The following OLFM2 variants were observed in gnomAD, a reference collection of about 807,000 sequenced individuals.
OLFM2 encodes noelin-2.
In OLFM2, 20 loss-of-function variants were observed where a neutral mutation model predicts 43.9. The ratio of observed to expected loss-of-function variants is 0.46; its 90% CI spans 0.32 to 0.66. The LOEUF (loss-of-function observed/expected upper bound fraction) is 0.66. Among genes scored for constraint, OLFM2 ranks in the 30% least tolerant of loss-of-function variants. The pLI is 0.04. For missense variants in OLFM2, 416 were observed against 643.6 expected (o/e 0.65, Z 3.83); for synonymous variants, 268 against 278.6 (o/e 0.96, Z 0.38).
At chr19:9,903,813 A>T (rs2046760509) in intron 1 of OLFM2, among the ~76,000 whole-genome samples, 2 of 152,204 alleles carry the variant, frequency 1.3e-5, no homozygotes, top group Non-Finnish European at 2.9e-5. Flanking sequence ...TGCCCCAGCC[A>T]GCATCTATCT....
chr19:9,878,371 T>A (rs1446419640), intron 1 of OLFM2, among the ~76,000 whole-genome samples: 1 of 147,428 alleles, frequency 6.8e-6, no homozygotes, highest in Non-Finnish European at 1.5e-5. Context: ...AGCCTCAGTT[T>A]CATTTCTCTC....
chr19:9,891,739 C>G (rs1052214667), intron 1 of OLFM2, among the ~76,000 whole-genome samples: 1 of 152,126 alleles, frequency 6.6e-6, no homozygotes, highest in African/African-American at 2.4e-5. Context: ...TTTGGTTGTA[C>G]TAACCCTCTG....
chr19:9,899,076 C>A (rs1568379973), intron 1 of OLFM2, among the ~76,000 whole-genome samples: 1 of 152,024 alleles, frequency 6.6e-6, no homozygotes, highest in Non-Finnish European at 1.5e-5. Context: ...ACCAGCCCAG[C>A]CAACATGGCA....
At position 9,855,815 on chromosome 19, in the gene OLFM2, C is replaced by T. The variant is rs527420909; in HGVS notation, c.688-952G>A. On this transcript the variant is annotated intron_variant, in intron 5 of 5. Coordinates refer to ENST00000264833, the MANE Select transcript of OLFM2 (RefSeq NM_058164.4). ...CCTCCTAAAGTGCTGGGATTACAGG[C>T]GTGAGCCACTGCACCTGGCCACTAT... Among the ~76,000 whole-genome samples, 13 of 152,226 alleles carry T rather than the reference C, an allele frequency of 8.5e-5. No individual in the cohort carries two copies. In the South Asian group the frequency reaches 2.1e-3, roughly 24 times the overall value.
chr19:9,856,686 G>A lies in OLFM2; in HGVS notation c.687+121C>T, dbSNP rs535987951. On this transcript the variant is annotated intron_variant, in intron 5 of 5. Coordinates refer to ENST00000264833, the MANE Select transcript of OLFM2 (RefSeq NM_058164.4). The surrounding 1 kb of genome is among the most constrained non-coding windows in gnomAD (Gnocchi z 4.0). The stretch of plus-strand genomic sequence containing the variant: ...GGACAGGGAGGTCCAATGGCCCTGG[G>A]GGATCCAGGACACTTTGGGCTACAA... 1.3e-6 allele frequency: 1 copy of A among 775,898 alleles called. No individual in the cohort carries two copies. Among genetic ancestry groups the A allele is most frequent in the Non-Finnish European group, 2.1e-6 (1 of 467,276 alleles). The allele number at this position is 775,898 out of a possible 1,614,324, so 48.1% of individuals were successfully genotyped here.
chr19:9,931,799 C>G (rs989539149), intron 1 of OLFM2, among the ~76,000 whole-genome samples: 2 of 152,002 alleles, frequency 1.3e-5, no homozygotes, highest in South Asian at 2.1e-4. Flanking sequence ...AAATTCCTGG[C>G]CTCAAGAGAC....
At chr19:9,880,944 C>A (rs1429012616) in intron 1 of OLFM2, among the ~76,000 whole-genome samples, 2 of 152,136 alleles carry the variant, frequency 1.3e-5, no homozygotes, top group Non-Finnish European at 2.9e-5. Context: ...GTCACCCAGG[C>A]TGGAGTGCAG....
intron 1 of OLFM2, among the ~76,000 whole-genome samples, chr19:9,900,249 G>A (rs1038249584): frequency 6.6e-6 from 1 of 152,106 alleles, no homozygotes; most frequent in Non-Finnish European, 1.5e-5. Flanking sequence ...GCTAACTGCC[G>A]AGAGAGGAAA....
intron 1 of OLFM2, chr19:9,913,460 C>T: frequency 9.5e-7 from 1 of 1,048,712 alleles, no homozygotes. Context: ...CCCGGGAGCG[C>T]CCCCCGCGCG....
At position 9,900,037 on chromosome 19, in the gene OLFM2, T is replaced by C. The variant is rs187938807; in HGVS notation, c.63+36267A>G. Among the ~76,000 whole-genome samples the C allele has an allele frequency of 1.5e-3, 234 of 152,252 alleles. 2 individuals carry two copies. Among genetic ancestry groups the C allele is most frequent in the African/African-American group, 5.4e-3 (223 of 41,566 alleles). ...GCATAATAAATATCTGTTGACCGAA[T>C]TGACAAATGAGCGAATCATGGCTTT... On this transcript the variant is annotated intron_variant, in intron 1 of 5. Coordinates refer to ENST00000264833, the MANE Select transcript of OLFM2 (RefSeq NM_058164.4).
intron 1 of OLFM2, among the ~76,000 whole-genome samples, chr19:9,894,412 T>TAATAATAATAAA (rs34379733): frequency 0.033 from 2,049 of 62,186 alleles, 63 homozygotes; most frequent in African/African-American, 0.08. Flanking sequence ...ATAATAATAA[T>TAATAATAATAAA]AAATAAATAA....
rs2046289230 is a variant in OLFM2, at chr19:9,853,763, A to C, written c.*423T>G. On this transcript the variant is annotated 3_prime_UTR_variant, in exon 6 of 6. Coordinates refer to ENST00000264833, the MANE Select transcript of OLFM2 (RefSeq NM_058164.4). Reference sequence around the variant, plus strand: ...TTATTCCGGCAAACCGGAAAGAAAAAGTGTAAATAAAAAAAGAAACAGATC... The same window carrying C: ...TTATTCCGGCAAACCGGAAAGAAAACGTGTAAATAAAAAAAGAAACAGATC... 2 of 369,926 alleles carry C rather than the reference A, an allele frequency of 5.4e-6. No individual in the cohort carries two copies. Among genetic ancestry groups the C allele is most frequent in the Admixed American group, 4.4e-5 (1 of 22,968 alleles). The allele number at this position is 369,926 out of a possible 1,614,324, so 22.9% of individuals were successfully genotyped here. A position where few individuals can be genotyped will look rare whatever the true frequency, so the allele number is the denominator to read the frequency against.
chr19:9,887,147 A>G (rs1354198134), intron 1 of OLFM2, among the ~76,000 whole-genome samples: 1 of 152,128 alleles, frequency 6.6e-6, no homozygotes, highest in Admixed American at 6.6e-5. Context: ...AAGTACATTC[A>G]CTTGCAAACA....
chr19:9,856,932 G>A lies in OLFM2; in HGVS notation c.581-19C>T, dbSNP rs1351323247. 1 of 1,576,122 alleles carries A rather than the reference G, an allele frequency of 6.3e-7. No individual in the cohort carries two copies. The highest frequency in any genetic ancestry group is 2.3e-5 in the East Asian group (1 of 43,918). ...CCACAGCCTGGGAGGCAGGAACAGG[G>A]GGAATGAGGATGGGGAAATGAACAG... is the stretch of plus-strand genomic sequence containing the variant. On this transcript the variant is annotated intron_variant, in intron 4 of 5. Transcript: ENST00000264833. This position sits in a 1 kb window ranked among gnomAD's most constrained non-coding sequence, Gnocchi z 4.0.
chr19:9,857,414 C>T lies in OLFM2; in HGVS notation c.429G>A (p.Thr143=), dbSNP rs1171689661. 1.1e-5 allele frequency: 18 copies of T among 1,614,030 alleles called. No individual in the cohort carries two copies. Among genetic ancestry groups the T allele is most frequent in the Non-Finnish European group, 1.4e-5 (17 of 1,180,034 alleles). The change falls in exon 4 of 6, where the codon ACG becomes ACA. Residue 143 remains threonine, a synonymous_variant. Coordinates refer to ENST00000264833, the MANE Select transcript of OLFM2 (RefSeq NM_058164.4). This position sits in a 1 kb window ranked among gnomAD's most constrained non-coding sequence, Gnocchi z 5.7. ...CCTCCCGCAAGCGTACAATGGTCCG[C>T]GTGTCTGCCTTGTACTGCTCCAGGA... ...SSVLEQYKAD[T]RTIVRLREEV...
chr19:9,903,304 G>A (rs1294967955), intron 1 of OLFM2, among the ~76,000 whole-genome samples: 3 of 152,098 alleles, frequency 2.0e-5, no homozygotes, highest in Non-Finnish European at 4.4e-5. Context: ...ACAGGTGAAC[G>A]CCTCCCTGTG....
intron 1 of OLFM2, among the ~76,000 whole-genome samples, chr19:9,933,874 A>T (rs1322024874): frequency 6.6e-6 from 1 of 151,990 alleles, no homozygotes; most frequent in Non-Finnish European, 1.5e-5. Context: ...AATCTTCTAT[A>T]CTTTATCTGT....
intron 1 of OLFM2, among the ~76,000 whole-genome samples, chr19:9,892,803 G>A (rs1000705815): frequency 1.3e-5 from 2 of 152,154 alleles, no homozygotes; most frequent in East Asian, 3.9e-4. Context: ...TGGGTGACGC[G>A]GCTCAACAAG....
intron 1 of OLFM2, among the ~76,000 whole-genome samples, chr19:9,918,459 T>C (rs1386636598): frequency 6.6e-6 from 1 of 152,196 alleles, no homozygotes; most frequent in Admixed American, 6.6e-5. Context: ...CCCAAAATGC[T>C]GGGATTGTAG....
Sources: gnomAD v4.1 joint callset for allele counts (sites outside exome capture counted in the v4.1 genomes callset) on GRCh38, gnomAD v4.1.1 for gene constraint, Gnocchi (gnomAD v3.1) non-coding constraint, MANE v1.5 for transcripts, NCBI Gene and HGNC (gene_info 2026-07-23, HGNC 2026-07-21) for gene names.